The following MAPK14 variants were observed in gnomAD, a reference collection of about 807,000 sequenced individuals.
MAPK14 encodes the protein mitogen-activated protein kinase 14, also known as CSAID-binding protein.
In MAPK14, 16 loss-of-function variants were observed where a neutral mutation model predicts 49.6. The observed-to-expected ratio is 0.32, with a 90% CI of 0.22 to 0.49. The LOEUF is 0.49. MAPK14 is among the 20% of genes least tolerant of loss of function. MAPK14 has a pLI of 0.99. For missense variants in MAPK14, 200 were observed against 441.2 expected, an observed-to-expected ratio of 0.45 and a Z score of 4.90; for synonymous variants, 142 against 158.0, an observed-to-expected ratio of 0.90 and a Z score of 0.76.
intron 8 of MAPK14, among the ~76,000 whole-genome samples, chr6:36,088,253 C>T (rs1250666659): frequency 6.6e-6 from 1 of 152,040 alleles, no homozygotes; most frequent in Non-Finnish European, 1.5e-5. Flanking sequence ...AAAGCAATGG[C>T]AACAAAAGCA....
intron 8 of MAPK14, chr6:36,092,362 CTG>C: frequency 3.0e-6 from 2 of 656,436 alleles, no homozygotes; most frequent in Non-Finnish European, 5.7e-6. Flanking sequence ...TATGAGTTCC[CTG>C]CAGGGAACTC....
At chr6:36,104,478 C>T (rs558761703) in intron 10 of MAPK14, among the ~76,000 whole-genome samples, 5 of 152,072 alleles carry the variant, frequency 3.3e-5, no homozygotes, top group Admixed American at 6.5e-5. Context: ...AGCTCCACCT[C>T]CCGGCTTTAA....
At chr6:36,054,738 A>C (rs1763529091) in intron 2 of MAPK14, among the ~76,000 whole-genome samples, 3 of 152,234 alleles carry the variant, frequency 2.0e-5, no homozygotes. Flanking sequence ...TAAAGAACCA[A>C]AACTTCCGGT....
At chr6:36,052,411 C>T (rs189965368) in intron 1 of MAPK14, among the ~76,000 whole-genome samples, 120 of 152,230 alleles carry the variant, frequency 7.9e-4, no homozygotes, top group African/African-American at 2.8e-3. Context: ...GTAGTTGTGA[C>T]AGAGGTCTTA....
chr6:36,068,188 G>C (rs1309104579), intron 3 of MAPK14, among the ~76,000 whole-genome samples: 1 of 152,074 alleles, frequency 6.6e-6, no homozygotes, highest in Non-Finnish European at 1.5e-5. Flanking sequence ...CCAGGCAGAA[G>C]AGGAAGTCAG....
intron 9 of MAPK14, chr6:36,100,341 A>G: frequency 9.7e-7 from 1 of 1,026,878 alleles, no homozygotes; most frequent in East Asian, 2.4e-5. Flanking sequence ...CCGTATAACC[A>G]ACAGTTCTTA....
At chr6:36,071,592 G>C (rs1216286378) in intron 3 of MAPK14, among the ~76,000 whole-genome samples, 1 of 152,112 alleles carries the variant, frequency 6.6e-6, no homozygotes, top group African/African-American at 2.4e-5. Flanking sequence ...TAAGGTAAAT[G>C]CAGGAATATT....
At chr6:36,035,877 G>A (rs1313502530) in intron 1 of MAPK14, among the ~76,000 whole-genome samples, 2 of 152,104 alleles carry the variant, frequency 1.3e-5, no homozygotes, top group Non-Finnish European at 2.9e-5. Context: ...TTTGAAGCTA[G>A]CAGAGGGTGG....
chr6:36,098,791 T>A (rs1439852314), intron 9 of MAPK14, among the ~76,000 whole-genome samples: 1 of 152,202 alleles, frequency 6.6e-6, no homozygotes, highest in African/African-American at 2.4e-5. Flanking sequence ...GTGGCCCCTT[T>A]TTGTTATTTC....
At chr6:36,100,320 T>G in intron 9 of MAPK14, 1 of 1,304,360 alleles carries the variant, frequency 7.7e-7, no homozygotes, top group Non-Finnish European at 1.1e-6. Flanking sequence ...CACATTCTCA[T>G]TTTATTGCCA....
chr6:36,038,148 G>C (rs766527398), intron 1 of MAPK14, among the ~76,000 whole-genome samples: 3 of 152,180 alleles, frequency 2.0e-5, no homozygotes, highest in Non-Finnish European at 4.4e-5. Flanking sequence ...GATGGCTGTT[G>C]CACTTTTAAG....
the MAPK14 span, among the ~76,000 whole-genome samples, chr6:36,119,839 C>T: frequency 2.0e-5 from 3 of 152,196 alleles, no homozygotes; most frequent in Middle Eastern, 3.2e-3. Flanking sequence ...GACGACTCAA[C>T]ATCTTGGCAG....
At chr6:36,039,697 TC>T (rs1762886206) in intron 1 of MAPK14, among the ~76,000 whole-genome samples, 1 of 151,894 alleles carries the variant, frequency 6.6e-6, no homozygotes, top group African/African-American at 2.4e-5. Context: ...AAAAGAAGGG[TC>T]CCTCCTTTCG....
chr6:36,077,216 CCCTTTATTTTAGCT>C (rs543289423), intron 8 of MAPK14, among the ~76,000 whole-genome samples: 6 of 152,028 alleles, frequency 3.9e-5, no homozygotes, highest in Non-Finnish European at 8.8e-5. Flanking sequence ...TTATTATAGC[CCCTTTATTTTAGCT>C]CCTTTCCTAT....
chr6:36,080,850 T>C (rs79697842), intron 8 of MAPK14, among the ~76,000 whole-genome samples: 9 of 146,948 alleles, frequency 6.1e-5, no homozygotes, highest in Non-Finnish European at 1.4e-4. Context: ...AACTTGTTCT[T>C]TTTTTTTTTT....
At chr6:36,050,386 G>C (rs1763347443) in intron 1 of MAPK14, among the ~76,000 whole-genome samples, 1 of 152,210 alleles carries the variant, frequency 6.6e-6, no homozygotes, top group Admixed American at 6.5e-5. Context: ...CTAGGTTTTT[G>C]ATGAAAAGCA....
chr6:36,064,273 C>CCT (rs982945419), intron 3 of MAPK14, among the ~76,000 whole-genome samples: 1 of 116,518 alleles, frequency 8.6e-6, no homozygotes, highest in Non-Finnish European at 1.7e-5. Flanking sequence ...CCACCATGCC[C>CCT]CCCCCCACCC....
At chr6:36,032,309 T>C (rs1762575337) in intron 1 of MAPK14, among the ~76,000 whole-genome samples, 1 of 152,200 alleles carries the variant, frequency 6.6e-6, no homozygotes, top group Non-Finnish European at 1.5e-5. Context: ...AAATAGAGTT[T>C]TACAAATATG....
At position 36,107,117 on chromosome 6, in the gene MAPK14, A is replaced by C. The variant is rs1231871077; in HGVS notation, c.842-338A>C. On this transcript the variant is annotated intron_variant, in intron 10 of 11. Coordinates refer to ENST00000229794, the MANE Select transcript of MAPK14 (RefSeq NM_139012.3). The surrounding 1 kb of genome is among the most constrained non-coding windows in gnomAD (Gnocchi z 4.3). Reference sequence around the variant, plus strand: ...AGGAGGAGGGTGAGGGTTGAGAGATAACCTATCGGGTACAATGTTCACTAT... The same window carrying C: ...AGGAGGAGGGTGAGGGTTGAGAGATCACCTATCGGGTACAATGTTCACTAT... Among the ~76,000 whole-genome samples, 2 of 152,204 alleles carry C rather than the reference A, an allele frequency of 1.3e-5. No individual in the cohort carries two copies. Among genetic ancestry groups the C allele is most frequent in the African/African-American group, 4.8e-5 (2 of 41,448 alleles).
Sources: gnomAD v4.1 joint callset for allele counts (sites outside exome capture counted in the v4.1 genomes callset) on GRCh38, gnomAD v4.1.1 for gene constraint, Gnocchi (gnomAD v3.1) non-coding constraint, MANE v1.5 for transcripts, NCBI Gene and HGNC (gene_info 2026-07-23, HGNC 2026-07-21) for gene names.